KIAA0319: variants seen among roughly 807,000 people sequenced by gnomAD.
KIAA0319 encodes dyslexia-associated protein KIAA0319.
KIAA0319 carries 83 observed loss-of-function variants against 108.4 expected under a neutral mutation model. The observed-to-expected ratio is 0.77, with a 90% CI of 0.64 to 0.92. The LOEUF (loss-of-function observed/expected upper bound fraction) is 0.92, where lower values mean the gene tolerates loss of function less well. KIAA0319 is among the 40% of genes least tolerant of loss of function. The probability of loss-of-function intolerance (pLI) is 0.00; values close to 1 mark genes in which losing one functional copy is unlikely to be tolerated. For missense variants in KIAA0319, 1,195 were observed against 1,322.4 expected, an observed-to-expected ratio of 0.90 and a Z score of 1.49; for synonymous variants, 484 against 510.4, an observed-to-expected ratio of 0.95 and a Z score of 0.70.
intron 1 of KIAA0319, 142 bp from the exon 2 acceptor site, chr6:24,601,350 A>G: frequency 7.5e-7 from 1 of 1,324,964 alleles, no homozygotes; most frequent in Non-Finnish European, 9.6e-7. Flanking sequence ...GCAAACATCC[A>G]CCTAGAGCGT....
intron 1 of KIAA0319, among the ~76,000 whole-genome samples, chr6:24,622,105 C>T (rs1310962539): frequency 6.6e-6 from 1 of 152,112 alleles, no homozygotes; most frequent in African/African-American, 2.4e-5. Flanking sequence ...GCAGAGCTCT[C>T]CTTCCAGTGG....
rs1188766702 is a variant in KIAA0319 at position 24,568,925 on chromosome 6, G to C, written c.1996C>G (p.Pro666Ala). ...ATATTTTCCATCTCCACTGCACTGG[G>C]GCCTCTATAAAACATAGAAGTGGTT... is the stretch of plus-strand genomic sequence containing the variant. ...VFYHWEHVRG[P>A]SAVEMENIDK... Residue 666 changes from proline to alanine, a missense_variant, in exon 13 of 21, where the codon CCC (proline) becomes GCC (alanine). Coordinates refer to ENST00000378214, the MANE Select transcript of KIAA0319 (RefSeq NM_014809.4). 1 of 1,613,978 alleles carries C rather than the reference G, an allele frequency of 6.2e-7. No homozygotes were observed. The highest frequency in any genetic ancestry group is 1.3e-5 in the African/African-American group (1 of 74,924).
In KIAA0319 at chr6:24,596,285, C is replaced by G. The variant is rs1328857456; in HGVS notation, c.389G>C (p.Trp130Ser). The change falls in exon 3 of 21, where the codon TGG becomes TCG. Residue 130 changes from tryptophan (W) to serine (S), a missense_variant. By Grantham distance (177) the Trp-to-Ser change is radical. Coordinates refer to ENST00000378214, the MANE Select transcript of KIAA0319 (RefSeq NM_014809.4). ...MLNRGSPSGI[W>S]GDSPEDIRKD... The stretch of plus-strand genomic sequence containing the variant: ...TCTGATATCCTCAGGTGAGTCCCCC[C>G]AGATCCCCGAGGGGGAGCCCCTGTT... 1.9e-6 allele frequency: 3 copies of G among 1,614,156 alleles called. No individual in the cohort carries two copies. Among genetic ancestry groups the G allele is most frequent in the East Asian group, 2.2e-5 (1 of 44,874 alleles).
At chr6:24,594,197 TCAAAAAAAAAAAAAAAAAAA>T (rs1769016664) in intron 3 of KIAA0319, among the ~76,000 whole-genome samples, 1 of 30,258 alleles carries the variant, frequency 3.3e-5, no homozygotes. Flanking sequence ...AGACTCTGTC[TCAAAAAAAAAAAAAAAAAAA>T]AAAAAAAAAA....
At chr6:24,613,673 T>C (rs1225581351) in intron 1 of KIAA0319, among the ~76,000 whole-genome samples, 1 of 144,138 alleles carries the variant, frequency 6.9e-6, no homozygotes, top group Non-Finnish European at 1.5e-5. Flanking sequence ...GGCAGATCAT[T>C]TGAGGGAAAA....
chr6:24,636,828 T>G (rs1321083521), intron 1 of KIAA0319, among the ~76,000 whole-genome samples: 1 of 152,156 alleles, frequency 6.6e-6, no homozygotes, highest in African/African-American at 2.4e-5. Context: ...GAGATTATTG[T>G]TCTGATCATG....
At chr6:24,622,667 A>G (rs1259170260) in intron 1 of KIAA0319, among the ~76,000 whole-genome samples, 6 of 152,208 alleles carry the variant, frequency 3.9e-5, no homozygotes, top group African/African-American at 1.4e-4. Context: ...CATTTTAAAC[A>G]TCCTAACATA....
At chr6:24,624,625 C>T (rs1342298008) in intron 1 of KIAA0319, among the ~76,000 whole-genome samples, 1 of 152,138 alleles carries the variant, frequency 6.6e-6, no homozygotes, top group South Asian at 2.1e-4. Context: ...GGGACCTTGA[C>T]ACTCAGAATT....
At chr6:24,593,699 C>T (rs994479947) in intron 3 of KIAA0319, among the ~76,000 whole-genome samples, 1 of 151,648 alleles carries the variant, frequency 6.6e-6, no homozygotes, top group Non-Finnish European at 1.5e-5. Context: ...CTGCTCCCGG[C>T]CCTGAATAAT....
intron 1 of KIAA0319, among the ~76,000 whole-genome samples, chr6:24,609,942 T>C (rs1772053097): frequency 6.6e-6 from 1 of 152,134 alleles, no homozygotes; most frequent in South Asian, 2.1e-4. Context: ...CAACTCAAAA[T>C]GGATCGAGAC....
chr6:24,629,297 C>A (rs563367340), intron 1 of KIAA0319, among the ~76,000 whole-genome samples: 1 of 151,940 alleles, frequency 6.6e-6, no homozygotes, highest in Non-Finnish European at 1.5e-5. Context: ...GGGAGGATCA[C>A]GAGGTCAGGA....
chr6:24,640,958 T>G (rs1776837346), intron 1 of KIAA0319, among the ~76,000 whole-genome samples: 1 of 152,124 alleles, frequency 6.6e-6, no homozygotes, highest in African/African-American at 2.4e-5. Context: ...CTGGCCCATT[T>G]TAACCATTTT....
Position 24,568,919 on chromosome 6 carries a change from C to T in KIAA0319, c.2002G>A (p.Ala668Thr). The part of the protein sequence containing the change: ...YHWEHVRGPS[A>T]VEMENIDKAI... ...TTGTCAATATTTTCCATCTCCACTGCACTGGGGCCTCTATAAAACATAGAA... is the reference window on the plus strand; with the variant it reads ...TTGTCAATATTTTCCATCTCCACTGTACTGGGGCCTCTATAAAACATAGAA... The change falls in exon 13 of 21, where the codon GCA (alanine) becomes ACA (threonine). Residue 668 changes from alanine (A) to threonine (T), a missense_variant. Coordinates refer to ENST00000378214, the MANE Select transcript of KIAA0319 (RefSeq NM_014809.4). 1 of 1,614,160 alleles carries T rather than the reference C, an allele frequency of 6.2e-7. No homozygotes were observed. Among genetic ancestry groups the T allele is most frequent in the Non-Finnish European group, 8.5e-7 (1 of 1,179,994 alleles).
Position 24,582,352 on chromosome 6 carries a change from A to G in KIAA0319, c.1094-6T>C. ...TTCATAGTTGTAGGTTGTTTCTGAGAGCAAAAAATAAATATGAGTAGTTAT... is the reference window on the plus strand; with the variant it reads ...TTCATAGTTGTAGGTTGTTTCTGAGGGCAAAAAATAAATATGAGTAGTTAT... On this transcript the variant is annotated splice_polypyrimidine_tract_variant and splice_region_variant and intron_variant, in intron 5 of 20. Coordinates refer to ENST00000378214, the MANE Select transcript of KIAA0319 (RefSeq NM_014809.4). 6.5e-7 allele frequency: 1 copy of G among 1,550,178 alleles called. No homozygotes were observed. The highest frequency in any genetic ancestry group is 1.1e-5 in the South Asian group (1 of 89,810).
chr6:24,551,390 A>C (rs374547514), intron 20 of KIAA0319, 44 bp downstream of exon 20: 1 of 1,380,596 alleles, frequency 7.2e-7, no homozygotes, highest in Non-Finnish European at 1.0e-6. Flanking sequence ...ACCTAGGTTA[A>C]ATCATATAAA....
intron 4 of KIAA0319, among the ~76,000 whole-genome samples, chr6:24,584,076 A>G (rs990052380): frequency 1.3e-5 from 2 of 152,176 alleles, no homozygotes; most frequent in African/African-American, 4.8e-5. Context: ...TTTAGTTATA[A>G]AAAGATTGAG....
intron 1 of KIAA0319, among the ~76,000 whole-genome samples, chr6:24,639,527 T>C (rs922947610): frequency 6.6e-6 from 1 of 152,150 alleles, no homozygotes; most frequent in East Asian, 1.9e-4. Context: ...CATTTGGGGC[T>C]GGATGAAACT....
In KIAA0319 at chr6:24,599,182, G is replaced by T. The variant is rs1428627821; in HGVS notation, c.55+1867C>A. On this transcript the variant is annotated intron_variant, in intron 2 of 20. Transcript: ENST00000378214. The surrounding 1 kb of genome is among the most constrained non-coding windows in gnomAD (Gnocchi z 4.1). ...GAGATCACCAACTGTAGCCAGGCCGGGGCTGACAGCCTGTACCAGGTCAAG... is the reference window on the plus strand; with the variant it reads ...GAGATCACCAACTGTAGCCAGGCCGTGGCTGACAGCCTGTACCAGGTCAAG... 3 of 556,522 alleles carry T rather than the reference G, an allele frequency of 5.4e-6. No individual in the cohort carries two copies. Among genetic ancestry groups the T allele is most frequent in the Non-Finnish European group, 9.8e-6 (3 of 305,178 alleles). 34.5% of individuals were successfully genotyped at this position (556,522 alleles called of 1,614,324 possible).
At chr6:24,549,879 G>A (rs1161120932) in intron 20 of KIAA0319, among the ~76,000 whole-genome samples, 5 of 152,046 alleles carry the variant, frequency 3.3e-5, no homozygotes, top group Non-Finnish European at 7.4e-5. Context: ...AGTGGGGGGC[G>A]GTGTGTGTGG....
Sources: allele counts gnomAD v4.1 joint callset (sites outside exome capture counted in the v4.1 genomes callset), GRCh38; gene constraint gnomAD v4.1.1; non-coding constraint Gnocchi (gnomAD v3.1); transcripts MANE v1.5; gene names NCBI Gene and HGNC (gene_info 2026-07-23, HGNC 2026-07-21).